The following EPHA8 variants were observed in gnomAD, a reference collection of about 807,000 sequenced individuals.
The protein encoded by EPHA8 is ephrin type-A receptor 8.
EPHA8 carries 58 observed loss-of-function variants against 103.6 expected under a neutral mutation model. The observed-to-expected ratio is 0.56, with a 90% CI of 0.45 to 0.70. The LOEUF (loss-of-function observed/expected upper bound fraction) is 0.70, where lower values mean the gene tolerates loss of function less well. Ranked by LOEUF, EPHA8 falls within the 30% of genes least tolerant of loss-of-function variation. The pLI is 0.00. For missense variants in EPHA8, 1,304 were observed against 1,395.2 expected, an observed-to-expected ratio of 0.93 and a Z score of 1.04; for synonymous variants, 559 against 572.5, an observed-to-expected ratio of 0.98 and a Z score of 0.34.
chr1:22,589,397 TA>T lies in EPHA8; in HGVS notation c.1315+192del. On this transcript the variant is annotated intron_variant, in intron 5 of 16. Transcript: ENST00000166244. This position sits in a 1 kb window ranked among gnomAD's most constrained non-coding sequence, Gnocchi z 4.3. ...GCCTTTAGAAAAGTGGAACACATTC[TA>T]TAAGTAAGAGAAATCCCAAAAGCTC... 4 of 1,520,148 alleles carry T rather than the reference TA, an allele frequency of 2.6e-6. No homozygotes were observed. In the South Asian group the frequency reaches 3.9e-5, roughly 15 times the overall value. 94.2% of individuals were successfully genotyped at this position (1,520,148 alleles called of 1,614,324 possible).
chr1:22,601,553 A>T (rs1641734985), intron 16 of EPHA8, 74 bp from the exon 17 acceptor site: 1 of 1,593,926 alleles, frequency 6.3e-7, no homozygotes, highest in African/African-American at 1.3e-5. Context: ...ACAGGTCCAG[A>T]TCCATGGCCC....
chr1:22,587,773 T>C (rs1369001145), intron 4 of EPHA8, among the ~76,000 whole-genome samples: 1 of 152,180 alleles, frequency 6.6e-6, no homozygotes, highest in Non-Finnish European at 1.5e-5. Context: ...CCAGCCTCCC[T>C]GCACATGGCA....
intron 1 of EPHA8, among the ~76,000 whole-genome samples, chr1:22,564,112 G>C (rs1214986502): frequency 3.3e-5 from 5 of 151,434 alleles, no homozygotes; most frequent in Non-Finnish European, 7.4e-5. Flanking sequence ...CAAGGAACAG[G>C]GTTGGGGACA....
In EPHA8 at chr1:22,601,619, C is replaced by T; in HGVS notation, c.2904-8C>T. The T allele has an allele frequency of 6.3e-7, 1 of 1,587,616 alleles. No individual in the cohort carries two copies. The highest frequency in any genetic ancestry group is 8.6e-7 in the Non-Finnish European group (1 of 1,167,178). ...GCCCAGCTGGCCAGCAGCACCCTTC[C>T]TTCACAGGGACGTGCGCGCCCTGGG... On this transcript the variant is annotated splice_polypyrimidine_tract_variant and splice_region_variant and intron_variant, in intron 16 of 16. Coordinates refer to ENST00000166244, the MANE Select transcript of EPHA8 (RefSeq NM_020526.5).
chr1:22,568,289 C>G (rs1236989971), intron 1 of EPHA8, among the ~76,000 whole-genome samples: 1 of 152,206 alleles, frequency 6.6e-6, no homozygotes, highest in Non-Finnish European at 1.5e-5. Flanking sequence ...CAGATGGGCT[C>G]TTTTCCCTAC....
rs987783218 is a variant in EPHA8, at chr1:22,602,072, G to C, written c.*331G>C. ...CGTGCATGTGTGTGTGTGGTGGGGG[G>C]TGTTCTCACAAGGTCATGGGATCTC... is the stretch of plus-strand genomic sequence containing the variant. On this transcript the variant is annotated 3_prime_UTR_variant, in exon 17 of 17. Coordinates refer to ENST00000166244, the MANE Select transcript of EPHA8 (RefSeq NM_020526.5). 2.0e-5 allele frequency: 9 copies of C among 449,446 alleles called. No homozygotes were observed. The highest frequency in any genetic ancestry group is 4.1e-5 in the Admixed American group (1 of 24,190). The allele number at this position is 449,446 out of a possible 1,614,324, so 27.8% of individuals were successfully genotyped here.
Position 22,596,121 on chromosome 1 carries a change from C to A in EPHA8, c.1713C>A (p.Ser571Arg). ...LICKKRHCGY[S>R]KAFQDSDEEK... ...TCCTCTGCAGGCACTGTGGCTACAG[C>A]AAGGCCTTCCAGGACTCGGACGAGG... The change falls in exon 9 of 17, where the codon AGC becomes AGA. Residue 571 changes from serine (S) to arginine (R), a missense_variant. Coordinates refer to ENST00000166244, the MANE Select transcript of EPHA8 (RefSeq NM_020526.5). 6.2e-7 allele frequency: 1 copy of A among 1,613,954 alleles called. No homozygotes were observed. Among genetic ancestry groups the A allele is most frequent in the African/African-American group, 1.3e-5 (1 of 75,054 alleles).
At chr1:22,594,307 G>A (rs1380086990) in intron 7 of EPHA8, among the ~76,000 whole-genome samples, 1 of 152,248 alleles carries the variant, frequency 6.6e-6, no homozygotes, top group Non-Finnish European at 1.5e-5. Flanking sequence ...GAGGTTAGGA[G>A]AAGGACGGTC....
chr1:22,576,117 T>C lies in EPHA8; in HGVS notation c.160-100T>C. 7 of 1,235,600 alleles carry C rather than the reference T, an allele frequency of 5.7e-6. No individual in the cohort carries two copies. The highest frequency in any genetic ancestry group is 6.7e-6 in the Non-Finnish European group (6 of 901,636). 76.5% of individuals were successfully genotyped at this position (1,235,600 alleles called of 1,614,324 possible). On this transcript the variant is annotated intron_variant, in intron 2 of 16. Coordinates refer to ENST00000166244, the MANE Select transcript of EPHA8 (RefSeq NM_020526.5). This position sits in a 1 kb window ranked among gnomAD's most constrained non-coding sequence, Gnocchi z 4.8. ...CCACCAGGAGGCCAGCTCCTTTGTC[T>C]TTTTTTTTGCCAGCGTCCCCAGCAC...
At position 22,586,619 on chromosome 1, in the gene EPHA8, G is replaced by A. The variant is rs766504458; in HGVS notation, c.963G>A (p.Pro321=). Residue 321 remains proline, a synonymous_variant, in exon 4 of 17, where the codon CCG becomes CCA. Transcript: ENST00000166244. ...ACTACCGTGCAGCCCTGGACCCGCC[G>A]TCCTCAGCCTGCACCCGTGAGTACC... ...LSYYRAALDP[P]SSACTRPPSA... is the part of the protein sequence containing the mutation. 1.1e-5 allele frequency: 17 copies of A among 1,613,742 alleles called. No homozygotes were observed. Among genetic ancestry groups the A allele is most frequent in the East Asian group, 4.5e-5 (2 of 44,894 alleles).
At position 22,597,401 on chromosome 1, in the gene EPHA8, C is replaced by T; in HGVS notation, c.1855C>T (p.Pro619Ser). Residue 619 changes from proline to serine, a missense_variant, in exon 10 of 17, where the codon CCA becomes TCA. Pro to Ser is a moderately conservative substitution (Grantham distance 74). Coordinates refer to ENST00000166244, the MANE Select transcript of EPHA8 (RefSeq NM_020526.5). This position sits in a 1 kb window ranked among gnomAD's most constrained non-coding sequence, Gnocchi z 4.6. ...FYAEPHTYEE[P>S]GRAGRSFTRE... The stretch of plus-strand genomic sequence containing the variant: ...TGCGGAACCCCACACCTACGAGGAG[C>T]CAGGCCGGGCGGGCCGCAGTTTCAC... The T allele has an allele frequency of 6.2e-7, 1 of 1,613,498 alleles. No individual in the cohort carries two copies. Among genetic ancestry groups the T allele is most frequent in the Non-Finnish European group, 8.5e-7 (1 of 1,179,988 alleles).
At chr1:22,601,232 G>A (rs1411174432) in intron 15 of EPHA8, 68 bp from the exon 16 acceptor site, 2 of 1,545,616 alleles carry the variant, frequency 1.3e-6, no homozygotes, top group African/African-American at 2.8e-5. Flanking sequence ...CCCTTCCTCA[G>A]CCTGCTTCTT....
Position 22,567,861 on chromosome 1 carries a change from G to A in EPHA8, c.95-1428G>A, listed in dbSNP as rs1640413111. ...GCCCATGGCTGTTGGCTGGGAGAAG[G>A]GGTCATGGAAGGCAGAGTGAAAGGG... is the stretch of plus-strand genomic sequence containing the variant. On this transcript the variant is annotated intron_variant, in intron 1 of 16. Transcript: ENST00000166244. This position sits in a 1 kb window ranked among gnomAD's most constrained non-coding sequence, Gnocchi z 4.2. Among the ~76,000 whole-genome samples, 1 of 151,806 alleles carries A rather than the reference G, an allele frequency of 6.6e-6. No homozygotes were observed.
intron 3 of EPHA8, among the ~76,000 whole-genome samples, chr1:22,578,424 A>G (rs1298720637): frequency 1.2e-5 from 1 of 84,770 alleles, no homozygotes; most frequent in Non-Finnish European, 2.4e-5. Context: ...CTGCATGTGT[A>G]CGTATGTGTA....
intron 3 of EPHA8, among the ~76,000 whole-genome samples, chr1:22,579,277 G>GTATATAT (rs1165190518): frequency 6.6e-6 from 1 of 151,756 alleles, no homozygotes; most frequent in Non-Finnish European, 1.5e-5. Flanking sequence ...GTGTCAGAGT[G>GTATATAT]TATATATGCA....
intron 13 of EPHA8, among the ~76,000 whole-genome samples, chr1:22,599,661 AGGG>A (rs1437860349): frequency 7.2e-5 from 3 of 41,568 alleles, no homozygotes; most frequent in African/African-American, 5.1e-4. Flanking sequence ...GAAGGAAAGG[AGGG>A]AGGGAGGAAG....
intron 4 of EPHA8, among the ~76,000 whole-genome samples, chr1:22,587,029 T>C (rs1641232082): frequency 6.6e-6 from 1 of 152,286 alleles, no homozygotes; most frequent in African/African-American, 2.4e-5. Flanking sequence ...ACCATCATCT[T>C]TGATGAACTT....
chr1:22,575,376 C>A lies in EPHA8; in HGVS notation c.160-841C>A, dbSNP rs761399. Among the ~76,000 whole-genome samples, 829 of 152,200 alleles carry A rather than the reference C, an allele frequency of 5.4e-3. 6 individuals are homozygous for A. Among genetic ancestry groups the A allele is most frequent in the African/African-American group, 0.019 (801 of 41,552 alleles). The stretch of plus-strand genomic sequence containing the variant: ...ATCTTTTCATGCACCATTTGGCCAT[C>A]TGAATATTTTCTTTAGAGAAATGTC... On this transcript the variant is annotated intron_variant, in intron 2 of 16. Coordinates refer to ENST00000166244, the MANE Select transcript of EPHA8 (RefSeq NM_020526.5).
In EPHA8 at chr1:22,597,215, C is replaced by A. The variant is rs1641541502; in HGVS notation, c.1766-97C>A. 1.9e-6 allele frequency: 2 copies of A among 1,029,242 alleles called. No individual in the cohort carries two copies. Among genetic ancestry groups the A allele is most frequent in the East Asian group, 2.6e-5 (1 of 38,946 alleles). 63.8% of individuals were successfully genotyped at this position (1,029,242 alleles called of 1,614,324 possible). ...CCACATCCAGAGACTCCCAGAGACACCCCTCACCCCACCCCAGACCCATCC... is the reference window on the plus strand; with the variant it reads ...CCACATCCAGAGACTCCCAGAGACAACCCTCACCCCACCCCAGACCCATCC... On this transcript the variant is annotated intron_variant, in intron 9 of 16. Coordinates refer to ENST00000166244, the MANE Select transcript of EPHA8 (RefSeq NM_020526.5). The surrounding 1 kb of genome is among the most constrained non-coding windows in gnomAD (Gnocchi z 4.6).
Sources: allele counts gnomAD v4.1 joint callset (sites outside exome capture counted in the v4.1 genomes callset), GRCh38; gene constraint gnomAD v4.1.1; non-coding constraint Gnocchi (gnomAD v3.1); transcripts MANE v1.5; gene names NCBI Gene and HGNC (gene_info 2026-07-23, HGNC 2026-07-21).